PPHLN1: variants seen among roughly 807,000 people sequenced by gnomAD.
The protein encoded by PPHLN1 is periphilin-1.
A neutral mutation model predicts 51.3 loss-of-function variants in PPHLN1; 29 were observed. That is an observed-to-expected ratio of 0.57 (90% confidence interval 0.42 to 0.77). PPHLN1 has a LOEUF of 0.77. Ranked by LOEUF, PPHLN1 falls within the 30% of genes least tolerant of loss-of-function variation. PPHLN1 has a pLI of 0.00. For missense variants in PPHLN1, 436 were observed against 438.4 expected, an observed-to-expected ratio of 0.99 and a Z score of 0.05; for synonymous variants, 147 against 147.8, an observed-to-expected ratio of 0.99 and a Z score of 0.04.
intron 5 of PPHLN1, among the ~76,000 whole-genome samples, chr12:42,378,481 A>T (rs2076493333): frequency 6.6e-6 from 1 of 152,102 alleles, no homozygotes; most frequent in African/African-American, 2.4e-5. Flanking sequence ...TTAAGCTGGG[A>T]TAATTAGCCA....
chr12:42,364,928 C>CA (rs1281482435), intron 4 of PPHLN1, among the ~76,000 whole-genome samples: 2 of 152,096 alleles, frequency 1.3e-5, no homozygotes, highest in African/African-American at 4.8e-5. Context: ...AAAAAACAAA[C>CA]AAAGTTCTAG....
chr12:42,368,733 T>C (rs947101034), intron 4 of PPHLN1, among the ~76,000 whole-genome samples: 2 of 152,230 alleles, frequency 1.3e-5, no homozygotes, highest in African/African-American at 4.8e-5. Flanking sequence ...TAAGAAAGGC[T>C]TTTTGTCAGA....
chr12:42,376,632 A>G (rs1347303090), intron 5 of PPHLN1, among the ~76,000 whole-genome samples: 1 of 152,074 alleles, frequency 6.6e-6, no homozygotes, highest in African/African-American at 2.4e-5. Context: ...CTCAAAAAAG[A>G]ATTTAAAAAT....
intron 9 of PPHLN1, among the ~76,000 whole-genome samples, chr12:42,440,739 A>G (rs1436390338): frequency 6.6e-6 from 1 of 152,198 alleles, no homozygotes; most frequent in African/African-American, 2.4e-5. Flanking sequence ...CACCGCGCCC[A>G]GCCAATTTTT....
chr12:42,432,040 A>C, intron 9 of PPHLN1: 1 of 1,553,404 alleles, frequency 6.4e-7, no homozygotes, highest in Non-Finnish European at 8.9e-7. Flanking sequence ...TTGGGCACAG[A>C]ACTGATGGAG....
intron 4 of PPHLN1, among the ~76,000 whole-genome samples, chr12:42,360,875 T>C (rs1565822824): frequency 1.3e-5 from 2 of 152,144 alleles, no homozygotes; most frequent in African/African-American, 4.8e-5. Context: ...TTGTTTAAGA[T>C]GGAGTCTGCA....
At chr12:42,392,611 A>G (rs2077827472) in intron 7 of PPHLN1, among the ~76,000 whole-genome samples, 1 of 152,236 alleles carries the variant, frequency 6.6e-6, no homozygotes, top group Non-Finnish European at 1.5e-5. Context: ...TAACGGCCCT[A>G]AGGAAATAAT....
intron 9 of PPHLN1, 96 bp from the exon 10 acceptor site, chr12:42,441,219 T>C (rs949549021): frequency 1.4e-6 from 2 of 1,433,292 alleles, no homozygotes; most frequent in African/African-American, 2.9e-5. Flanking sequence ...TGTCTCTCTT[T>C]TAGATGTCAG....
rs142075406 is a variant in PPHLN1, at chr12:42,441,196, G to A, written c.910-119G>A. ...ACAATGCAAGGGCGAGAAAGGTTCC[G>A]CTTTCTTTTTTGTGTCTCTCTTTTA... On this transcript the variant is annotated intron_variant, in intron 9 of 9. Transcript: ENST00000358314. 272 of 1,338,886 alleles carry A rather than the reference G, an allele frequency of 2.0e-4. No homozygotes were observed. In the African/African-American group the frequency reaches 2.5e-3, roughly 12 times the overall value. The allele number at this position is 1,338,886 out of a possible 1,614,324, so 82.9% of individuals were successfully genotyped here. A position where few individuals can be genotyped will look rare whatever the true frequency, so the allele number is the denominator to read the frequency against.
chr12:42,388,191 A>G (rs2077358088), intron 7 of PPHLN1, among the ~76,000 whole-genome samples: 1 of 152,162 alleles, frequency 6.6e-6, no homozygotes, highest in Non-Finnish European at 1.5e-5. Flanking sequence ...TGCAGTTGAG[A>G]TAGTGGAAGG....
intron 9 of PPHLN1, among the ~76,000 whole-genome samples, chr12:42,417,702 G>T (rs1374909306): frequency 7.6e-6 from 1 of 131,728 alleles, no homozygotes; most frequent in East Asian, 2.3e-4. Flanking sequence ...TGAAGATGAT[G>T]ATTTTATAGA....
intron 9 of PPHLN1, among the ~76,000 whole-genome samples, chr12:42,400,798 T>TCACACACA (rs67724902): frequency 9.5e-4 from 136 of 142,626 alleles, no homozygotes; most frequent in African/African-American, 3.2e-3. Flanking sequence ...TCTCTCTCTT[T>TCACACACA]CACACACACA....
intron 6 of PPHLN1, 28 bp downstream of exon 6, chr12:42,385,024 G>C (rs751169921): frequency 6.4e-7 from 1 of 1,565,948 alleles, no homozygotes; most frequent in South Asian, 1.1e-5. Context: ...CTCTGATTTG[G>C]GATTGTGAAG....
At chr12:42,396,010 T>A (rs2078166362) in intron 8 of PPHLN1, among the ~76,000 whole-genome samples, 1 of 152,190 alleles carries the variant, frequency 6.6e-6, no homozygotes, top group Non-Finnish European at 1.5e-5. Context: ...TACTTTCATC[T>A]TCTGGGCTCT....
chr12:42,374,690 G>A (rs1379335452), intron 4 of PPHLN1, 173 bp from the exon 5 acceptor site: 10 of 474,380 alleles, frequency 2.1e-5, no homozygotes, highest in African/African-American at 8.1e-5. Context: ...TCCTGACCTC[G>A]TGATCTGCCC....
chr12:42,371,414 G>A (rs888360058), intron 4 of PPHLN1, among the ~76,000 whole-genome samples: 9 of 152,166 alleles, frequency 5.9e-5, no homozygotes, highest in East Asian at 3.9e-4. Context: ...CACTGCACCC[G>A]GCCAACTCCT....
intron 2 of PPHLN1, among the ~76,000 whole-genome samples, chr12:42,342,068 GCTT>G: frequency 6.6e-6 from 1 of 152,226 alleles, no homozygotes; most frequent in East Asian, 1.9e-4. Flanking sequence ...AAATATATAT[GCTT>G]CTTCTATAGG....
At chr12:42,329,356 C>T (rs1433140452) in intron 1 of PPHLN1, among the ~76,000 whole-genome samples, 5 of 152,116 alleles carry the variant, frequency 3.3e-5, no homozygotes, top group African/African-American at 9.7e-5. Context: ...CCGCCCCCCT[C>T]GGCCTCCCAA....
At chr12:42,349,909 T>G (rs910250085) in intron 2 of PPHLN1, among the ~76,000 whole-genome samples, 2 of 152,196 alleles carry the variant, frequency 1.3e-5, no homozygotes, top group Non-Finnish European at 2.9e-5. Context: ...CCGTCCTCAG[T>G]GAGCTGTTGG....
Sources: allele counts gnomAD v4.1 joint callset (sites outside exome capture counted in the v4.1 genomes callset), GRCh38; gene constraint gnomAD v4.1.1; transcripts MANE v1.5; gene names NCBI Gene and HGNC (gene_info 2026-07-23, HGNC 2026-07-21).